The following PLXNB2 variants were observed in gnomAD, a reference collection of about 807,000 sequenced individuals.
PLXNB2 encodes plexin B2, also known as plexin-B2.
In PLXNB2, 85 loss-of-function variants were observed where a neutral mutation model predicts 202.6. The ratio of observed to expected loss-of-function variants is 0.42; its 90% confidence interval spans 0.35 to 0.50. The LOEUF (loss-of-function observed/expected upper bound fraction) is 0.50. PLXNB2 is among the 20% of genes least tolerant of loss of function. PLXNB2 has a pLI of 0.02. For synonymous variants in PLXNB2, 1,239 were observed against 1,137.6 expected, an observed-to-expected ratio of 1.09 and a Z score of -1.79; for missense variants, 2,063 against 2,586.2, an observed-to-expected ratio of 0.80 and a Z score of 4.39.
At chr22:50,278,754 A>C in intron 28 of PLXNB2, 58 bp from the exon 29 acceptor site, 2 of 1,584,056 alleles carry the variant, frequency 1.3e-6, no homozygotes, top group Admixed American at 1.7e-5. Flanking sequence ...CCCACTGCCC[A>C]CCACTCCCAT....
chr22:50,296,704 A>G (rs1232101327), intron 1 of PLXNB2, among the ~76,000 whole-genome samples: 1 of 151,956 alleles, frequency 6.6e-6, no homozygotes, highest in Admixed American at 6.6e-5. Context: ...CCTACAACCA[A>G]GGTTCAGCTA....
chr22:50,282,326 G>A lies in PLXNB2; in HGVS notation c.2988-13C>T, dbSNP rs774725672. 2 of 1,582,154 alleles carry A rather than the reference G, an allele frequency of 1.3e-6. No homozygotes were observed. The highest frequency in any genetic ancestry group is 8.6e-7 in the Non-Finnish European group (1 of 1,163,878). ...GCTGCGGCCACCACTGCGGAGGGCA[G>A]TGCCTTCGTGGGCTCGGCTGGCAGG... On this transcript the variant is annotated splice_polypyrimidine_tract_variant and intron_variant, in intron 18 of 36. Coordinates refer to ENST00000359337, the MANE Select transcript of PLXNB2 (RefSeq NM_012401.4).
At chr22:50,300,125 C>T (rs1283005682) in intron 1 of PLXNB2, among the ~76,000 whole-genome samples, 1 of 152,160 alleles carries the variant, frequency 6.6e-6, no homozygotes, top group Non-Finnish European at 1.5e-5. Flanking sequence ...GCCTCGCGCA[C>T]CTGGAGGGAG....
At position 50,287,117 on chromosome 22, in the gene PLXNB2, C is replaced by T; in HGVS notation, c.1756G>A (p.Gly586Ser). 1 of 1,521,422 alleles carries T rather than the reference C, an allele frequency of 6.6e-7. No homozygotes were observed. Among genetic ancestry groups the T allele is most frequent in the Non-Finnish European group, 8.8e-7 (1 of 1,130,466 alleles). The allele number at this position is 1,521,422 out of a possible 1,614,324, so 94.2% of individuals were successfully genotyped here. The change falls in exon 8 of 37, where the codon GGC becomes AGC. Residue 586 changes from glycine (G) to serine (S), a missense_variant. Physicochemically the swap from Gly to Ser is moderately conservative, Grantham distance 56. Transcript: ENST00000359337. ...GCTCGGGAAGGGGCCTCACCCTGGC[C>T]TGGCGGTGTGACGGGGATGCTGCTT... ...SPSSIPVTPP[G>S]QDHVAVTIQL...
At chr22:50,306,684 CCCTCA>C (rs2067894781) in intron 1 of PLXNB2, among the ~76,000 whole-genome samples, 1 of 31,788 alleles carries the variant, frequency 3.1e-5, no homozygotes, top group Non-Finnish European at 5.7e-5. Context: ...TTGGGGCCCA[CCCTCA>C]CCCTCACCCT....
Position 50,289,110 on chromosome 22 carries a change from C to A in PLXNB2, c.1101G>T (p.Glu367Asp). Residue 367 changes from glutamate to aspartate, a missense_variant, in exon 4 of 37, where the codon GAG (glutamate) becomes GAT (aspartate). Coordinates refer to ENST00000359337, the MANE Select transcript of PLXNB2 (RefSeq NM_012401.4). This position sits in a 1 kb window ranked among gnomAD's most constrained non-coding sequence, Gnocchi z 8.0. ...GSSKSFPCGS[E>D]HLPYPLGSRD... is the part of the protein sequence containing the mutation. ...GGCTGCCCAGCGGGTAGGGCAGGTG[C>A]TCCGAGCCACATGGGAAGCTCTTGC... 1 of 1,584,824 alleles carries A rather than the reference C, an allele frequency of 6.3e-7. No individual in the cohort carries two copies. Among genetic ancestry groups the A allele is most frequent in the East Asian group, 2.3e-5 (1 of 44,266 alleles).
chr22:50,292,732 C>G (rs575103116), intron 2 of PLXNB2, among the ~76,000 whole-genome samples: 1 of 151,966 alleles, frequency 6.6e-6, no homozygotes, highest in Admixed American at 6.5e-5. Flanking sequence ...TCCACCTGCC[C>G]GTGGCAACCC....
chr22:50,304,208 C>G (rs1436418754), intron 1 of PLXNB2, among the ~76,000 whole-genome samples: 1 of 152,204 alleles, frequency 6.6e-6, no homozygotes, highest in Non-Finnish European at 1.5e-5. Context: ...TGGGGCAAAC[C>G]TGCAGTACCA....
In PLXNB2 at chr22:50,290,210, C is replaced by T; in HGVS notation, c.375G>A (p.Leu125=). The part of the protein sequence containing the change: ...LFKGICALRA[L]SNISLRLFYE... The stretch of plus-strand genomic sequence containing the variant: ...AGAACAGGCGGAGGGAGATGTTGCT[C>T]AGGGCGCGCAGAGCGCAGATGCCCT... The change falls in exon 3 of 37, where the codon CTG becomes CTA. Residue 125 remains leucine (L), a synonymous_variant. Coordinates refer to ENST00000359337, the MANE Select transcript of PLXNB2 (RefSeq NM_012401.4). 1 of 1,612,378 alleles carries T rather than the reference C, an allele frequency of 6.2e-7. No homozygotes were observed. The highest frequency in any genetic ancestry group is 8.5e-7 in the Non-Finnish European group (1 of 1,180,012).
chr22:50,288,892 C>T lies in PLXNB2; in HGVS notation c.1252-21G>A, dbSNP rs777634397. ...TACACCTGTGTGCGCGAGGGCAGGC[C>T]GGTGAGGGTACGGGCCTTGTGCACA... On this transcript the variant is annotated intron_variant, in intron 4 of 36. Transcript: ENST00000359337. This position sits in a 1 kb window ranked among gnomAD's most constrained non-coding sequence, Gnocchi z 5.0. 15 of 1,612,746 alleles carry T rather than the reference C, an allele frequency of 9.3e-6. No individual in the cohort carries two copies. Among genetic ancestry groups the T allele is most frequent in the East Asian group, 2.2e-5 (1 of 44,870 alleles).
chr22:50,293,290 C>T (rs2067016119), intron 2 of PLXNB2, among the ~76,000 whole-genome samples: 1 of 152,140 alleles, frequency 6.6e-6, no homozygotes, highest in African/African-American at 2.4e-5. Context: ...AGGAGAGGCC[C>T]GTAGGCTACA....
At position 50,277,773 on chromosome 22, in the gene PLXNB2, T is replaced by C. The variant is rs1020732182; in HGVS notation, c.5049-35A>G. The C allele has an allele frequency of 6.9e-6, 11 of 1,586,814 alleles. No individual in the cohort carries two copies. The African/African-American group carries it at 1.2e-4, about 17-fold the overall frequency. ...AGCAGCAGGGAATGAGAGCCGGGGC[T>C]GGGCCGCGGGGTGGGTGTGGAGCCT... is the stretch of plus-strand genomic sequence containing the variant. On this transcript the variant is annotated intron_variant, in intron 32 of 36. Coordinates refer to ENST00000359337, the MANE Select transcript of PLXNB2 (RefSeq NM_012401.4).
At chr22:50,304,336 G>T (rs2067810070) in intron 1 of PLXNB2, among the ~76,000 whole-genome samples, 1 of 152,164 alleles carries the variant, frequency 6.6e-6, no homozygotes, top group African/African-American at 2.4e-5. Flanking sequence ...GGGTGCCAGT[G>T]TTCAGGGCCA....
chr22:50,279,837 C>G (rs111671189), intron 26 of PLXNB2, 61 bp from the exon 27 acceptor site: 2 of 1,586,180 alleles, frequency 1.3e-6, no homozygotes, highest in Non-Finnish European at 1.7e-6. Flanking sequence ...AAGGGGCCCC[C>G]GGAGCCCTGG....
At chr22:50,299,948 G>A (rs952456245) in intron 1 of PLXNB2, among the ~76,000 whole-genome samples, 1 of 152,162 alleles carries the variant, frequency 6.6e-6, no homozygotes, top group African/African-American at 2.4e-5. Flanking sequence ...CTCCCCGGAG[G>A]GCGCAGAACG....
intron 1 of PLXNB2, among the ~76,000 whole-genome samples, chr22:50,305,209 G>A (rs78091816): frequency 0.021 from 3,125 of 152,362 alleles, 121 homozygotes; most frequent in African/African-American, 0.071. Context: ...GACACGGTGA[G>A]CACGGACGAC....
At position 50,300,025 on chromosome 22, in the gene PLXNB2, C is replaced by T. The variant is rs538629208; in HGVS notation, c.-73-5247G>A. ...AGCGCAGGGACTAGGCCCGCGCCTC[C>T]TCGGCGCCGCCCACTGCCCCCCGCG... On this transcript the variant is annotated intron_variant, in intron 1 of 36. Transcript: ENST00000359337. Among the ~76,000 whole-genome samples the T allele has an allele frequency of 2.0e-5, 3 of 152,218 alleles. No individual in the cohort carries two copies. In the East Asian group the frequency reaches 5.8e-4, roughly 29 times the overall value.
Position 50,287,803 on chromosome 22 carries a change from C to T in PLXNB2, c.1482-10G>A, listed in dbSNP as rs1327649400. On this transcript the variant is annotated splice_polypyrimidine_tract_variant and intron_variant, in intron 6 of 36. Coordinates refer to ENST00000359337, the MANE Select transcript of PLXNB2 (RefSeq NM_012401.4). ...GGCCTTCCGGGTGCATCTGCAGGCGCAGGGGGCGGCCTCAGCCCAGGGTGG... is the reference window on the plus strand; with the variant it reads ...GGCCTTCCGGGTGCATCTGCAGGCGTAGGGGGCGGCCTCAGCCCAGGGTGG... The T allele has an allele frequency of 1.3e-6, 2 of 1,595,632 alleles. No individual in the cohort carries two copies. The highest frequency in any genetic ancestry group is 1.1e-5 in the South Asian group (1 of 90,132).
rs201590772 is a variant in PLXNB2 at position 50,278,674 on chromosome 22, C to T, written c.4569G>A (p.Ala1523=). ...VVLEWRPGST[A]QILSDLDLTS... is the part of the protein sequence containing the mutation. ...TCAGGTCCAGGTCCGACAGGATCTGCGCTGTGGAGCCCGGACGCCACTCTG... is the reference window on the plus strand; with the variant it reads ...TCAGGTCCAGGTCCGACAGGATCTGTGCTGTGGAGCCCGGACGCCACTCTG... Residue 1523 remains alanine (A), a synonymous_variant, in exon 29 of 37, where the codon GCG becomes GCA. Transcript: ENST00000359337. 7.2e-5 allele frequency: 116 copies of T among 1,611,852 alleles called. No homozygotes were observed. The highest frequency in any genetic ancestry group is 1.7e-4 in the Middle Eastern group (1 of 6,056).
Sources: gnomAD v4.1 joint callset for allele counts (sites outside exome capture counted in the v4.1 genomes callset) on GRCh38, gnomAD v4.1.1 for gene constraint, Gnocchi (gnomAD v3.1) non-coding constraint, MANE v1.5 for transcripts, NCBI Gene and HGNC (gene_info 2026-07-23, HGNC 2026-07-21) for gene names.